CTNNA2: variants seen among roughly 807,000 people sequenced by gnomAD.
CTNNA2 encodes the protein catenin alpha 2.
A neutral mutation model predicts 101.0 loss-of-function variants in CTNNA2; 42 were observed. The ratio of observed to expected loss-of-function variants is 0.42; its 90% CI spans 0.32 to 0.54. CTNNA2 has a LOEUF of 0.54. Among genes scored for constraint, CTNNA2 ranks in the 20% least tolerant of loss-of-function variants. The pLI is 0.14. For synonymous variants in CTNNA2, 450 were observed against 456.4 expected (o/e 0.99, Z 0.18); for missense variants, 871 against 1,223.1 (o/e 0.71, Z 4.29).
At chr2:79,936,667 C>G (rs1305735835) in intron 7 of CTNNA2, among the ~76,000 whole-genome samples, 1 of 152,072 alleles carries the variant, frequency 6.6e-6, no homozygotes, top group African/African-American at 2.4e-5. Flanking sequence ...CTTAAGCCAT[C>G]GTTCCTCACC....
rs1573884742 is a variant in CTNNA2 at position 80,376,138 on chromosome 2, A to G, written c.1057-17073A>G. Among the ~76,000 whole-genome samples, 4 of 151,986 alleles carry G rather than the reference A, an allele frequency of 2.6e-5. No individual in the cohort carries two copies. In the East Asian group the frequency reaches 5.8e-4, roughly 22 times the overall value. ...CCTCCCACATCTCTACCATTATTTG[A>G]TTTTTTTTCCCCTCAGTTTTTTGTT... On this transcript the variant is annotated intron_variant, in intron 7 of 18. Coordinates refer to ENST00000402739, the MANE Select transcript of CTNNA2 (RefSeq NM_001282597.3).
intron 13 of CTNNA2, among the ~76,000 whole-genome samples, chr2:80,578,064 G>T (rs1203856307): frequency 6.6e-6 from 1 of 152,178 alleles, no homozygotes; most frequent in African/African-American, 2.4e-5. Flanking sequence ...AGCAGCAGGT[G>T]AACGGGTCCT....
intron 9 of CTNNA2, among the ~76,000 whole-genome samples, chr2:80,492,772 C>G (rs981656739): frequency 2.6e-5 from 4 of 152,184 alleles, no homozygotes; most frequent in Non-Finnish European, 5.9e-5. Context: ...ATGCTTTGCC[C>G]TACCAGCCTT....
At chr2:79,608,137 A>C (rs539140118) in intron 1 of CTNNA2, among the ~76,000 whole-genome samples, 2 of 152,190 alleles carry the variant, frequency 1.3e-5, no homozygotes, top group Admixed American at 6.5e-5. Context: ...ATTTTGAAAA[A>C]CTATATGCCT....
chr2:79,802,942 G>C (rs73941316), intron 3 of CTNNA2, among the ~76,000 whole-genome samples: 3,473 of 152,216 alleles, frequency 0.023, 146 homozygotes, highest in African/African-American at 0.08. Flanking sequence ...TCAGATATTG[G>C]CTTTAAAACA....
intron 6 of CTNNA2, among the ~76,000 whole-genome samples, chr2:79,890,822 G>T (rs749038973): frequency 1.1e-4 from 16 of 141,118 alleles, no homozygotes; most frequent in Non-Finnish European, 2.1e-4. Context: ...GTTCAGGATA[G>T]GTGTTGACAG....
At chr2:80,198,226 G>C (rs755064742) in intron 7 of CTNNA2, among the ~76,000 whole-genome samples, 19 of 152,140 alleles carry the variant, frequency 1.2e-4, no homozygotes, top group Admixed American at 1.2e-3. Context: ...ACCTAAGGAC[G>C]CCTCAGGAAG....
chr2:79,635,649 G>T (rs990524252), intron 1 of CTNNA2, among the ~76,000 whole-genome samples: 7 of 147,554 alleles, frequency 4.7e-5, no homozygotes, highest in African/African-American at 1.7e-4. Context: ...GATTACAGGC[G>T]CCCGCCACCA....
In CTNNA2 at chr2:79,976,037, T is replaced by A. The variant is rs189034636; in HGVS notation, c.1056+66240T>A. On this transcript the variant is annotated intron_variant, in intron 7 of 18. Coordinates refer to ENST00000402739, the MANE Select transcript of CTNNA2 (RefSeq NM_001282597.3). ...TCTGGTGACCAGCTCCCAAGCTGAA[T>A]TTATCTAGGGATCCCCAGCCACCTC... Among the ~76,000 whole-genome samples, 117 of 152,252 alleles carry A rather than the reference T, an allele frequency of 7.7e-4. 1 individual carries two copies. Among genetic ancestry groups the A allele is most frequent in the African/African-American group, 2.7e-3 (114 of 41,564 alleles).
At chr2:79,186,713 G>T (rs866658826) in intron 1 of CTNNA2, among the ~76,000 whole-genome samples, 1 of 152,198 alleles carries the variant, frequency 6.6e-6, no homozygotes, top group African/African-American at 2.4e-5. Context: ...GAAACAGTAC[G>T]CCAGTTTCTT....
At chr2:79,985,025 G>A (rs1044577897) in intron 7 of CTNNA2, among the ~76,000 whole-genome samples, 1 of 152,190 alleles carries the variant, frequency 6.6e-6, no homozygotes, top group Non-Finnish European at 1.5e-5. Context: ...GAGAGGTTGA[G>A]AAGCAGAGAC....
chr2:80,218,714 G>C, intron 7 of CTNNA2, among the ~76,000 whole-genome samples: 1 of 152,166 alleles, frequency 6.6e-6, no homozygotes, highest in East Asian at 1.9e-4. Context: ...CCCAGTGCCT[G>C]CTACTTAGTA....
intron 6 of CTNNA2, among the ~76,000 whole-genome samples, chr2:79,905,635 T>G (rs907810442): frequency 6.6e-6 from 1 of 151,966 alleles, no homozygotes; most frequent in African/African-American, 2.4e-5. Flanking sequence ...ATGGTGATGA[T>G]GGTGGTGGTG....
intron 7 of CTNNA2, among the ~76,000 whole-genome samples, chr2:80,058,293 T>C (rs531078840): frequency 6.6e-6 from 1 of 152,340 alleles, no homozygotes; most frequent in African/African-American, 2.4e-5. Flanking sequence ...ATTTTTAGTT[T>C]ACAGAGTTTA....
chr2:80,403,498 C>T (rs1241997831), intron 8 of CTNNA2, among the ~76,000 whole-genome samples: 1 of 152,152 alleles, frequency 6.6e-6, no homozygotes, highest in East Asian at 1.9e-4. Context: ...GTGACATGGG[C>T]TTTTTATGGC....
At chr2:80,574,984 G>C (rs1694914486) in intron 13 of CTNNA2, 1 of 152,054 alleles carries the variant, frequency 6.6e-6, no homozygotes, top group Admixed American at 6.6e-5. Flanking sequence ...TCACCCACAA[G>C]GCACATTCAC....
At chr2:79,550,004 A>T (rs1673991844) in intron 1 of CTNNA2, among the ~76,000 whole-genome samples, 1 of 152,242 alleles carries the variant, frequency 6.6e-6, no homozygotes, top group South Asian at 2.1e-4. Context: ...GACCTAGTGG[A>T]CCCACTATGA....
intron 8 of CTNNA2, among the ~76,000 whole-genome samples, chr2:80,400,909 A>G (rs920057518): frequency 6.6e-6 from 1 of 152,174 alleles, no homozygotes; most frequent in Non-Finnish European, 1.5e-5. Context: ...CCCCAACAGT[A>G]TCATAAGCCA....
intron 1 of CTNNA2, among the ~76,000 whole-genome samples, chr2:79,567,337 C>G (rs188418432): frequency 1.3e-5 from 2 of 151,576 alleles, no homozygotes; most frequent in East Asian, 3.9e-4. Flanking sequence ...AAATCTTAAA[C>G]TGGCACTTTT....
Sources: gnomAD v4.1 joint callset for allele counts (sites outside exome capture counted in the v4.1 genomes callset) on GRCh38, gnomAD v4.1.1 for gene constraint, MANE v1.5 for transcripts, NCBI Gene and HGNC (gene_info 2026-07-23, HGNC 2026-07-21) for gene names.